GORASP2: variants seen among roughly 807,000 people sequenced by gnomAD.
The protein encoded by GORASP2 is golgi reassembly stacking protein 2, also known as Golgi reassembly-stacking protein 2.
In GORASP2, 22 loss-of-function variants were observed where a neutral mutation model predicts 45.7. That is an observed-to-expected ratio of 0.48 (90% CI 0.34 to 0.69). The LOEUF (loss-of-function observed/expected upper bound fraction) is 0.69, where lower values mean the gene tolerates loss of function less well. GORASP2 is among the 30% of genes least tolerant of loss of function. The pLI, the probability that GORASP2 is intolerant of heterozygous loss-of-function variation, is 0.01. For synonymous variants in GORASP2, 221 were observed against 215.6 expected, an observed-to-expected ratio of 1.02 and a Z score of -0.22; for missense variants, 491 against 562.7, an observed-to-expected ratio of 0.87 and a Z score of 1.29.
At chr2:170,959,845 G>A (rs1276086007) in intron 7 of GORASP2, among the ~76,000 whole-genome samples, 5 of 120,962 alleles carry the variant, frequency 4.1e-5, no homozygotes, top group African/African-American at 5.9e-5. Flanking sequence ...TTTTTGAGAC[G>A]GAGTCTTGCT....
intron 1 of GORASP2, among the ~76,000 whole-genome samples, chr2:170,939,543 TAAAC>T (rs1442117832): frequency 1.3e-5 from 2 of 152,214 alleles, no homozygotes; most frequent in African/African-American, 4.8e-5. Flanking sequence ...ATTCCAGAAA[TAAAC>T]AGTTCATAAG....
At chr2:170,965,764 T>G in intron 9 of GORASP2, 26 bp from the exon 10 acceptor site, 1 of 1,494,376 alleles carries the variant, frequency 6.7e-7, no homozygotes, top group Non-Finnish European at 9.3e-7. Flanking sequence ...TGGGAGGATG[T>G]ATGATCTATG....
rs145361956 is a variant in GORASP2 at position 170,945,359 on chromosome 2, C to CGT, written c.64-2987_64-2986dup. Among the ~76,000 whole-genome samples, 1,510 of 151,858 alleles carry CGT rather than the reference C, an allele frequency of 9.9e-3. 29 individuals are homozygous for CGT. The highest frequency in any genetic ancestry group is 0.034 in the African/African-American group (1,422 of 41,428). On this transcript the variant is annotated intron_variant, in intron 1 of 9. Coordinates refer to ENST00000234160, the MANE Select transcript of GORASP2 (RefSeq NM_015530.5). The stretch of plus-strand genomic sequence containing the variant: ...CTAGAAAAAATTTAAAAATCAGCTG[C>CGT]GTGTGGTGGTGCGCTAGAAAAAATT...
intron 1 of GORASP2, among the ~76,000 whole-genome samples, chr2:170,937,687 AAAG>A (rs1703987803): frequency 6.6e-6 from 1 of 151,844 alleles, no homozygotes; most frequent in Admixed American, 6.6e-5. Flanking sequence ...AGAGGGAAAC[AAAG>A]GAGGAAGCAC....
intron 7 of GORASP2, among the ~76,000 whole-genome samples, chr2:170,960,120 C>A (rs959447633): frequency 3.3e-5 from 5 of 152,116 alleles, no homozygotes; most frequent in African/African-American, 9.7e-5. Flanking sequence ...CGTGCCTGGC[C>A]CAAGTGTATC....
chr2:170,953,031 A>G (rs1704336116), intron 5 of GORASP2, among the ~76,000 whole-genome samples: 1 of 152,158 alleles, frequency 6.6e-6, no homozygotes, highest in Non-Finnish European at 1.5e-5. Context: ...TAATTGTGAG[A>G]TGAAGCATCA....
intron 4 of GORASP2, 134 bp downstream of exon 4, chr2:170,950,424 T>C: frequency 1.9e-6 from 1 of 517,194 alleles, no homozygotes. Flanking sequence ...AACTTAAGCC[T>C]CAGGGTGTTA....
chr2:170,935,173 T>C (rs1477027870), intron 1 of GORASP2, among the ~76,000 whole-genome samples: 1 of 152,246 alleles, frequency 6.6e-6, no homozygotes, highest in Non-Finnish European at 1.5e-5. Flanking sequence ...CTTGGGATAC[T>C]TTTAGGAATT....
chr2:170,950,879 G>C (rs1284307351), intron 4 of GORASP2, among the ~76,000 whole-genome samples: 1 of 152,168 alleles, frequency 6.6e-6, no homozygotes, highest in Non-Finnish European at 1.5e-5. Flanking sequence ...CTACCTGGGA[G>C]GCTGAGGTGG....
chr2:170,952,305 A>C (rs1428953607), intron 5 of GORASP2, among the ~76,000 whole-genome samples: 1 of 152,210 alleles, frequency 6.6e-6, no homozygotes, highest in Non-Finnish European at 1.5e-5. Flanking sequence ...AAATTTGGCT[A>C]CATTCTTTGG....
rs1704031341 is a variant in GORASP2, at chr2:170,939,747, G to A, written c.64-8603G>A. On this transcript the variant is annotated intron_variant, in intron 1 of 9. Coordinates refer to ENST00000234160, the MANE Select transcript of GORASP2 (RefSeq NM_015530.5). The stretch of plus-strand genomic sequence containing the variant: ...GGAACATATCCCCTGCAGATAACAG[G>A]GACTACTATAGCTCCCTCACCCTCC... Among the ~76,000 whole-genome samples, 3 of 152,030 alleles carry A rather than the reference G, an allele frequency of 2.0e-5. No individual in the cohort carries two copies. In the South Asian group the frequency reaches 6.2e-4, roughly 32 times the overall value.
chr2:170,935,756 G>A (rs1198656858), intron 1 of GORASP2, among the ~76,000 whole-genome samples: 6 of 151,414 alleles, frequency 4.0e-5, no homozygotes, highest in African/African-American at 7.3e-5. Flanking sequence ...TTGTATTTTC[G>A]GTAGAGATGG....
chr2:170,944,004 G>T (rs1382346416), intron 1 of GORASP2, among the ~76,000 whole-genome samples: 1 of 152,122 alleles, frequency 6.6e-6, no homozygotes, highest in Non-Finnish European at 1.5e-5. Flanking sequence ...AATTTAACCT[G>T]TTCATTGTAA....
At chr2:170,958,493 T>C (rs1042836717) in intron 7 of GORASP2, among the ~76,000 whole-genome samples, 1 of 152,114 alleles carries the variant, frequency 6.6e-6, no homozygotes, top group Non-Finnish European at 1.5e-5. Flanking sequence ...TGAGTCCTTT[T>C]TATGATATTA....
intron 5 of GORASP2, 190 bp downstream of exon 5, chr2:170,951,648 A>G (rs1466323111): frequency 1.4e-5 from 6 of 440,418 alleles, no homozygotes; most frequent in Non-Finnish European, 2.4e-5. Context: ...AACATAGTAT[A>G]TATACTATAG....
chr2:170,951,553 G>A, intron 5 of GORASP2, 95 bp downstream of exon 5: 4 of 1,013,812 alleles, frequency 3.9e-6, no homozygotes, highest in Non-Finnish European at 5.7e-6. Context: ...AGAAATTACT[G>A]GTTTATTTTA....
intron 5 of GORASP2, among the ~76,000 whole-genome samples, chr2:170,952,185 A>G (rs1250304620): frequency 6.6e-6 from 1 of 152,260 alleles, no homozygotes; most frequent in Non-Finnish European, 1.5e-5. Context: ...GATTAGTACC[A>G]CAAGAGTGCC....
intron 1 of GORASP2, among the ~76,000 whole-genome samples, chr2:170,944,414 T>C (rs1161459737): frequency 6.6e-6 from 1 of 152,088 alleles, no homozygotes; most frequent in Non-Finnish European, 1.5e-5. Flanking sequence ...GTAAATAAAT[T>C]TAGGAAAGAA....
intron 1 of GORASP2, among the ~76,000 whole-genome samples, chr2:170,931,420 G>A (rs543463191): frequency 6.6e-6 from 1 of 152,166 alleles, no homozygotes; most frequent in African/African-American, 2.4e-5. Context: ...ATTTGTTATT[G>A]CCTAAATGGA....
Sources: gnomAD v4.1 joint callset for allele counts (sites outside exome capture counted in the v4.1 genomes callset) on GRCh38, gnomAD v4.1.1 for gene constraint, MANE v1.5 for transcripts, NCBI Gene and HGNC (gene_info 2026-07-23, HGNC 2026-07-21) for gene names.